HERC4: variants seen among roughly 807,000 people sequenced by gnomAD.
HERC4 encodes the protein probable E3 ubiquitin-protein ligase HERC4.
Under a neutral mutation model 124.3 loss-of-function variants are expected in HERC4, and 28 were observed. The ratio of observed to expected loss-of-function variants is 0.23; its 90% CI spans 0.17 to 0.31. HERC4 has a LOEUF of 0.31. Among genes scored for constraint, HERC4 ranks in the 10% least tolerant of loss-of-function variants. The pLI, the probability that HERC4 is intolerant of heterozygous loss-of-function variation, is 1.00. For synonymous variants in HERC4, 407 were observed against 421.5 expected (o/e 0.97, Z 0.42); for missense variants, 713 against 1,229.3 (o/e 0.58, Z 6.28).
intron 3 of HERC4, among the ~76,000 whole-genome samples, chr10:68,059,834 ATATTATAAT>A (rs1444551554): frequency 1.7e-5 from 1 of 58,958 alleles, no homozygotes; most frequent in African/African-American, 2.1e-4. Context: ...ATAATATTAT[ATATTATAAT>A]ATATTATATA....
intron 17 of HERC4, chr10:67,955,442 G>A (rs1490466884): frequency 1.0e-5 from 2 of 199,198 alleles, no homozygotes; most frequent in Admixed American, 6.3e-5. Flanking sequence ...TGGAGGGGAG[G>A]GTAAAGAGGG....
chr10:67,929,206 TACTACACAGTA>T (rs1175871074), intron 23 of HERC4, among the ~76,000 whole-genome samples: 1 of 152,234 alleles, frequency 6.6e-6, no homozygotes, highest in East Asian at 1.9e-4. Flanking sequence ...TTCCTTAAAT[TACTACACAGTA>T]AAACTGGCTA....
intron 5 of HERC4, among the ~76,000 whole-genome samples, chr10:68,036,535 T>G (rs1361488811): frequency 6.6e-6 from 1 of 152,026 alleles, no homozygotes; most frequent in East Asian, 1.9e-4. Flanking sequence ...CCTATAGAAG[T>G]CCAAATTCCT....
At chr10:68,073,853 T>C (rs1017614377) in intron 1 of HERC4, 167 bp from the exon 2 acceptor site, 16 of 152,088 alleles carry the variant, frequency 1.1e-4, no homozygotes, top group African/African-American at 3.9e-4. Context: ...ATACTAACAT[T>C]CCAACCTCAC....
chr10:67,945,613 T>C (rs1484353717), intron 19 of HERC4, among the ~76,000 whole-genome samples: 3 of 109,894 alleles, frequency 2.7e-5, no homozygotes, highest in African/African-American at 7.5e-5. Flanking sequence ...GACTAAAACA[T>C]GAACCAATAA....
chr10:67,969,217 G>C (rs763193250), intron 15 of HERC4, among the ~76,000 whole-genome samples: 7 of 152,158 alleles, frequency 4.6e-5, no homozygotes, highest in Non-Finnish European at 1.0e-4. Context: ...CTGAATCCAA[G>C]GATCAACAAA....
chr10:68,040,266 A>C, intron 4 of HERC4: 1 of 982,478 alleles, frequency 1.0e-6, no homozygotes, highest in Non-Finnish European at 1.2e-6. Context: ...ATCTTTTACC[A>C]TTATATGCTA....
intron 15 of HERC4, among the ~76,000 whole-genome samples, chr10:67,976,024 C>G (rs906562998): frequency 3.9e-4 from 60 of 151,964 alleles, no homozygotes; most frequent in Non-Finnish European, 1.8e-4. Flanking sequence ...CAAATGCTAC[C>G]CACTGTTTTT....
chr10:68,003,112 T>G (rs2037326452), intron 9 of HERC4, among the ~76,000 whole-genome samples: 1 of 152,102 alleles, frequency 6.6e-6, no homozygotes, highest in Non-Finnish European at 1.5e-5. Flanking sequence ...GTCACTCTGT[T>G]GTGCTATGAA....
chr10:68,070,327 C>G, intron 3 of HERC4: 14 of 951,488 alleles, frequency 1.5e-5, no homozygotes, highest in Non-Finnish European at 1.8e-5. Flanking sequence ...ACATCTTAGG[C>G]CAGGAGCAGT....
chr10:67,992,334 A>C lies in HERC4; in HGVS notation c.1147-11T>G, dbSNP rs199715169. The C allele has an allele frequency of 3.1e-6, 5 of 1,612,670 alleles. No individual in the cohort carries two copies. Among genetic ancestry groups the C allele is most frequent in the Non-Finnish European group, 4.2e-6 (5 of 1,179,078 alleles). On this transcript the variant is annotated splice_polypyrimidine_tract_variant and intron_variant, in intron 10 of 24. Coordinates refer to ENST00000373700, the MANE Select transcript of HERC4 (RefSeq NM_015601.4). ...TGGTGGCCCACAGTTCTAAATTTTC[A>C]AATAAGATTAGTCAGAGGGAAGAGA...
chr10:67,932,730 G>T lies in HERC4; in HGVS notation c.2705C>A (p.Ala902Asp), dbSNP rs781580167. The T allele has an allele frequency of 6.3e-7, 1 of 1,599,570 alleles. No homozygotes were observed. The highest frequency in any genetic ancestry group is 1.4e-5 in the African/African-American group (1 of 73,770). ...YVDYIFNKSV[A>D]SLFDAFHAGF... The stretch of plus-strand genomic sequence containing the variant: ...CGCATGAAAAGCATCAAATAAGGAA[G>T]CCACTGATTTATTGAATATGTAATC... Residue 902 changes from alanine (A) to aspartate (D), a missense_variant, in exon 23 of 25, where the codon GCT becomes GAT. Ala to Asp is a moderately radical substitution (Grantham distance 126). Transcript: ENST00000373700.
chr10:68,053,410 C>A (rs2040410148), intron 3 of HERC4, among the ~76,000 whole-genome samples: 2 of 151,772 alleles, frequency 1.3e-5, no homozygotes, highest in East Asian at 1.9e-4. Flanking sequence ...CTCAGGTGAT[C>A]CTCCTGCTTC....
intron 7 of HERC4, 33 bp downstream of exon 7, chr10:68,032,745 A>C: frequency 9.7e-7 from 1 of 1,028,928 alleles, no homozygotes; most frequent in Non-Finnish European, 1.5e-6. Context: ...AACTATGATG[A>C]GTAATAATAA....
At chr10:67,992,777 T>A in intron 9 of HERC4, 95 bp from the exon 10 acceptor site, 1 of 652,628 alleles carries the variant, frequency 1.5e-6, no homozygotes, top group Non-Finnish European at 2.7e-6. Context: ...TCATCTTATT[T>A]AATAAGGCCT....
chr10:68,064,232 C>T (rs1289346447), intron 3 of HERC4, among the ~76,000 whole-genome samples: 1 of 151,844 alleles, frequency 6.6e-6, no homozygotes, highest in Non-Finnish European at 1.5e-5. Flanking sequence ...GAACAAAACC[C>T]TGTCCCCAAA....
intron 3 of HERC4, among the ~76,000 whole-genome samples, chr10:68,059,560 TC>T (rs1371008699): frequency 1.1e-4 from 10 of 93,668 alleles, no homozygotes; most frequent in African/African-American, 1.7e-4. Flanking sequence ...ATAATATATA[TC>T]ATAATATTAT....
intron 8 of HERC4, among the ~76,000 whole-genome samples, chr10:68,025,126 C>T (rs1199283366): frequency 6.6e-6 from 1 of 151,922 alleles, no homozygotes; most frequent in East Asian, 1.9e-4. Context: ...TACTCAAAAG[C>T]CTGAGGCAAG....
chr10:67,957,895 C>T (rs2034251196), intron 16 of HERC4, among the ~76,000 whole-genome samples: 1 of 152,108 alleles, frequency 6.6e-6, no homozygotes, highest in Non-Finnish European at 1.5e-5. Flanking sequence ...GCAACCTTCG[C>T]CTCTGGGGTT....
Sources: allele counts gnomAD v4.1 joint callset (sites outside exome capture counted in the v4.1 genomes callset), GRCh38; gene constraint gnomAD v4.1.1; transcripts MANE v1.5; gene names NCBI Gene and HGNC (gene_info 2026-07-23, HGNC 2026-07-21).